GABRA4: variants seen among roughly 807,000 people sequenced by gnomAD.
GABRA4 encodes the protein gamma-aminobutyric acid receptor subunit alpha-4.
GABRA4 carries 12 observed loss-of-function variants against 49.7 expected under a neutral mutation model. The ratio of observed to expected loss-of-function variants is 0.24; its 90% confidence interval spans 0.15 to 0.39. The LOEUF (loss-of-function observed/expected upper bound fraction) is 0.39. Among genes scored for constraint, GABRA4 ranks in the 10% least tolerant of loss-of-function variants. The probability of loss-of-function intolerance (pLI) is 1.00; values close to 1 mark genes in which losing one functional copy is unlikely to be tolerated. For synonymous variants in GABRA4, 288 were observed against 240.2 expected (o/e 1.20, Z -1.84); for missense variants, 506 against 686.0 (o/e 0.74, Z 2.93).
intron 8 of GABRA4, among the ~76,000 whole-genome samples, chr4:46,936,297 T>C (rs1220114757): frequency 6.6e-6 from 1 of 152,198 alleles, no homozygotes; most frequent in Non-Finnish European, 1.5e-5. Flanking sequence ...TTGCCCAGGC[T>C]GGAGTGCAAT....
chr4:46,934,700 T>C (rs1721549266), intron 8 of GABRA4, among the ~76,000 whole-genome samples: 1 of 152,166 alleles, frequency 6.6e-6, no homozygotes, highest in South Asian at 2.1e-4. Flanking sequence ...GAGTTGAGGG[T>C]TTAAAACATT....
In GABRA4 at chr4:46,977,613, C is replaced by T. The variant is rs1723192876; in HGVS notation, c.291G>A (p.Val97=). 2.5e-6 allele frequency: 4 copies of T among 1,611,822 alleles called. No individual in the cohort carries two copies. Among genetic ancestry groups the T allele is most frequent in the South Asian group, 1.1e-5 (1 of 90,882 alleles). The change falls in exon 4 of 9, where the codon GTG becomes GTA. Residue 97 remains valine (V), a synonymous_variant. Transcript: ENST00000264318. Reference sequence around the variant, plus strand: ...TGTCAATCCATGTCTGCCTGAAGAACACATCCATTGTGTATTCCTAGGACA... The same window carrying T: ...TGTCAATCCATGTCTGCCTGAAGAATACATCCATTGTGTATTCCTAGGACA... ...SDVEMEYTMD[V]FFRQTWIDKR...
At chr4:46,933,232 C>A (rs977083810) in intron 8 of GABRA4, among the ~76,000 whole-genome samples, 2 of 152,098 alleles carry the variant, frequency 1.3e-5, no homozygotes, top group Non-Finnish European at 2.9e-5. Flanking sequence ...ACACAGTAGG[C>A]ACCTATTTCA....
intron 2 of GABRA4, among the ~76,000 whole-genome samples, chr4:46,983,920 C>G (rs948823326): frequency 2.0e-5 from 3 of 151,822 alleles, no homozygotes; most frequent in African/African-American, 7.3e-5. Context: ...CAAGATGATT[C>G]AACAGTTTTT....
intron 8 of GABRA4, among the ~76,000 whole-genome samples, chr4:46,953,494 A>C (rs1411649577): frequency 6.6e-6 from 1 of 152,182 alleles, no homozygotes; most frequent in African/African-American, 2.4e-5. Context: ...GATTATTTCA[A>C]ATCAAAATAA....
Position 46,925,745 on chromosome 4 carries a change from TATTATTATTATTATCATC to T in GABRA4, c.*2462_*2479del, listed in dbSNP as rs1218730271. 8.4e-6 allele frequency: 1 copy of T among 118,638 alleles called. No homozygotes were observed. The highest frequency in any genetic ancestry group is 2.9e-5 in the African/African-American group (1 of 34,664). The allele number at this position is 118,638 out of a possible 1,614,324, so 7.3% of individuals were successfully genotyped here. A position where few individuals can be genotyped will look rare whatever the true frequency, so the allele number is the denominator to read the frequency against. ...TTATTATTATTATTATTATTATTATTATTATTATTATTATCATCATTATTATCATTGTGTGCAAATGAA... is the reference window on the plus strand; with the variant it reads ...TTATTATTATTATTATTATTATTATTATTATTATCATTGTGTGCAAATGAA... On this transcript the variant is annotated 3_prime_UTR_variant, in exon 9 of 9. Coordinates refer to ENST00000264318, the MANE Select transcript of GABRA4 (RefSeq NM_000809.4).
Position 46,965,028 on chromosome 4 carries a change from G to C in GABRA4, c.1076C>G (p.Pro359Arg), listed in dbSNP as rs535613254. The change falls in exon 8 of 9, where the codon CCT becomes CGT. Residue 359 changes from proline to arginine, a missense_variant. Physicochemically the swap from Pro to Arg is moderately radical, Grantham distance 103. This residue lies in a region of GABRA4 where 243 missense variants were observed against 210.8 expected (regional missense o/e 1.15). Coordinates refer to ENST00000264318, the MANE Select transcript of GABRA4 (RefSeq NM_000809.4). ...CACTGGAGCAGCGGGAACTTCCTGA[G>C]GGGGCTTTGATGTCTTCCTTTTGGC... is the stretch of plus-strand genomic sequence containing the variant. Reference protein sequence around the residue: ...EKAKRKTSKPPQEVPAAPVQR... With the variant: ...EKAKRKTSKPRQEVPAAPVQR... 6.2e-7 allele frequency: 1 copy of C among 1,611,932 alleles called. No individual in the cohort carries two copies. Among genetic ancestry groups the C allele is most frequent in the Admixed American group, 1.7e-5 (1 of 59,760 alleles).
intron 2 of GABRA4, among the ~76,000 whole-genome samples, chr4:46,980,492 C>A (rs572725539): frequency 6.6e-6 from 1 of 151,562 alleles, no homozygotes; most frequent in Non-Finnish European, 1.5e-5. Flanking sequence ...TTGATCCACA[C>A]AAAGAAAGAT....
At chr4:46,977,178 C>A in intron 4 of GABRA4, 35 bp from the exon 5 acceptor site, 1 of 1,369,884 alleles carries the variant, frequency 7.3e-7, no homozygotes, top group East Asian at 2.4e-5. Context: ...AAAATCAACC[C>A]TTTTAAAGAA....
intron 8 of GABRA4, among the ~76,000 whole-genome samples, chr4:46,962,542 C>A (rs1257669990): frequency 6.6e-6 from 1 of 151,844 alleles, no homozygotes; most frequent in African/African-American, 2.4e-5. Context: ...CAAAAGCAAT[C>A]TACAGGTTCA....
chr4:46,937,185 T>C (rs1721630287), intron 8 of GABRA4, among the ~76,000 whole-genome samples: 1 of 152,172 alleles, frequency 6.6e-6, no homozygotes, highest in South Asian at 2.1e-4. Context: ...TCCACCTTTC[T>C]CCATCATGTG....
At position 46,986,852 on chromosome 4, in the gene GABRA4, C is replaced by T. The variant is rs187184477; in HGVS notation, c.205+5976G>A. Among the ~76,000 whole-genome samples the T allele has an allele frequency of 8.2e-4, 125 of 152,256 alleles. No homozygotes were observed. The East Asian group carries it at 0.016, about 20-fold the overall frequency. Reference sequence around the variant, plus strand: ...AATCAGCTTTGACACCTCCCTTTCTCTCACATCCCACGTTCTAGCTGTCGT... The same window carrying T: ...AATCAGCTTTGACACCTCCCTTTCTTTCACATCCCACGTTCTAGCTGTCGT... On this transcript the variant is annotated intron_variant, in intron 2 of 8. Transcript: ENST00000264318.
chr4:46,954,008 T>C (rs1297518322), intron 8 of GABRA4, among the ~76,000 whole-genome samples: 1 of 151,930 alleles, frequency 6.6e-6, no homozygotes, highest in Non-Finnish European at 1.5e-5. Flanking sequence ...GACCTTTCTG[T>C]GCCTCAATTT....
At chr4:46,930,078 G>A (rs905326689) in intron 8 of GABRA4, among the ~76,000 whole-genome samples, 4 of 151,978 alleles carry the variant, frequency 2.6e-5, no homozygotes, top group African/African-American at 4.8e-5. Flanking sequence ...CTTCAAGGTC[G>A]CTGAGTAGAG....
Position 46,927,996 on chromosome 4 carries a change from C to CGGTGGTCGCCG in GABRA4, c.*228_*229insCGGCGACCACC. ...CCAACTTTCCAGGATGGTGTGTATT[C>CGGTGGTCGCCG]TATCTAACTGAATGCTGAGTTCTTT... On this transcript the variant is annotated 3_prime_UTR_variant, in exon 9 of 9. Transcript: ENST00000264318. 1 of 406,710 alleles carries CGGTGGTCGCCG rather than the reference C, an allele frequency of 2.5e-6. No individual in the cohort carries two copies. Among genetic ancestry groups the CGGTGGTCGCCG allele is most frequent in the Non-Finnish European group, 4.4e-6 (1 of 227,628 alleles). 25.2% of individuals were successfully genotyped at this position (406,710 alleles called of 1,614,324 possible).
chr4:46,958,398 A>C (rs898858423), intron 8 of GABRA4, among the ~76,000 whole-genome samples: 1 of 151,988 alleles, frequency 6.6e-6, no homozygotes, highest in Non-Finnish European at 1.5e-5. Context: ...CTGGATAAGA[A>C]CTAAAGAATA....
At chr4:46,944,922 G>A (rs1469045107) in intron 8 of GABRA4, among the ~76,000 whole-genome samples, 1 of 152,032 alleles carries the variant, frequency 6.6e-6, no homozygotes, top group Non-Finnish European at 1.5e-5. Flanking sequence ...AACTAGCACA[G>A]TACCAAACAC....
At chr4:46,989,182 C>A (rs560126601) in intron 2 of GABRA4, among the ~76,000 whole-genome samples, 1 of 152,282 alleles carries the variant, frequency 6.6e-6, no homozygotes, top group East Asian at 1.9e-4. Flanking sequence ...GCTGTGCAAC[C>A]CTTCAATAAA....
rs147490542 is a variant in GABRA4 at position 46,958,634 on chromosome 4, C to T, written c.1134+6336G>A. On this transcript the variant is annotated intron_variant, in intron 8 of 8. Coordinates refer to ENST00000264318, the MANE Select transcript of GABRA4 (RefSeq NM_000809.4). The stretch of plus-strand genomic sequence containing the variant: ...GCATCAAGGTAATAATCAGCAGAAA[C>T]AGAACAGCTGGTTTGCCTTCTGAGA... 9.3e-4 allele frequency among the ~76,000 whole-genome samples: 141 copies of T among 152,002 alleles called. 1 individual carries two copies. The East Asian group carries it at 0.026, about 28-fold the overall frequency.
Sources: allele counts gnomAD v4.1 joint callset (sites outside exome capture counted in the v4.1 genomes callset), GRCh38; gene constraint gnomAD v4.1.1; regional missense constraint gnomAD v4.1.1; transcripts MANE v1.5; gene names NCBI Gene and HGNC (gene_info 2026-07-23, HGNC 2026-07-21).